The following FAM171B variants were observed in gnomAD, a reference collection of about 807,000 sequenced individuals.
FAM171B encodes protein FAM171B.
Under a neutral mutation model 75.6 loss-of-function variants are expected in FAM171B, and 19 were observed. The ratio of observed to expected loss-of-function variants is 0.25; its 90% confidence interval spans 0.18 to 0.37. FAM171B has a LOEUF of 0.37. Among genes scored for constraint, FAM171B ranks in the 10% least tolerant of loss-of-function variants. FAM171B has a pLI of 1.00. For synonymous variants in FAM171B, 367 were observed against 361.7 expected (o/e 1.01, Z -0.17); for missense variants, 848 against 982.4 (o/e 0.86, Z 1.83).
At chr2:186,751,965 C>T (rs568378899) in intron 5 of FAM171B, among the ~76,000 whole-genome samples, 1 of 152,282 alleles carries the variant, frequency 6.6e-6, no homozygotes, top group African/African-American at 2.4e-5. Context: ...TAGATAGTTT[C>T]ACAGGGCTTG....
chr2:186,746,198 A>T (rs1454736019), intron 3 of FAM171B, among the ~76,000 whole-genome samples: 1 of 152,226 alleles, frequency 6.6e-6, no homozygotes, highest in African/African-American at 2.4e-5. Context: ...ATTGTCACTG[A>T]ATTATCACTT....
intron 1 of FAM171B, among the ~76,000 whole-genome samples, chr2:186,709,082 A>G (rs532183527): frequency 2.6e-5 from 4 of 152,194 alleles, no homozygotes; most frequent in East Asian, 3.9e-4. Flanking sequence ...TCACACAGAG[A>G]AAGAAGGACC....
intron 1 of FAM171B, among the ~76,000 whole-genome samples, chr2:186,709,135 C>G (rs1426705348): frequency 6.6e-6 from 1 of 151,946 alleles, no homozygotes; most frequent in Non-Finnish European, 1.5e-5. Flanking sequence ...ACGACCAGAT[C>G]TTGTGAGTAC....
intron 1 of FAM171B, among the ~76,000 whole-genome samples, chr2:186,712,012 G>C (rs1421644855): frequency 1.3e-5 from 2 of 152,074 alleles, no homozygotes; most frequent in Admixed American, 6.6e-5. Context: ...ATTTCTTTAA[G>C]GCATAGGTAC....
chr2:186,698,497 G>A (rs534486456), intron 1 of FAM171B, among the ~76,000 whole-genome samples: 18 of 152,130 alleles, frequency 1.2e-4, no homozygotes, highest in South Asian at 4.1e-4. Flanking sequence ...TTTCCACTAC[G>A]TGGGATTTGT....
chr2:186,722,018 CT>C (rs1228983113), intron 1 of FAM171B, among the ~76,000 whole-genome samples: 1 of 152,100 alleles, frequency 6.6e-6, no homozygotes, highest in African/African-American at 2.4e-5. Flanking sequence ...GAAGTATTTA[CT>C]TTCTATCAGA....
In FAM171B at chr2:186,747,207, G is replaced by A; in HGVS notation, c.681G>A (p.Val227=). 1 of 1,598,622 alleles carries A rather than the reference G, an allele frequency of 6.3e-7. No individual in the cohort carries two copies. The highest frequency in any genetic ancestry group is 1.1e-5 in the South Asian group (1 of 87,578). Residue 227 remains valine (V), a synonymous_variant, in exon 4 of 8, where the codon GTG becomes GTA. Coordinates refer to ENST00000304698, the MANE Select transcript of FAM171B (RefSeq NM_177454.4). ...YLTVLQQFLK[V]DNFLHTTGIT... ...CAGTTCTACAACAGTTTTTGAAAGT[G>A]GACAATTTTCTGCATACAACTGGAA...
chr2:186,704,668 A>T (rs1689710234), intron 1 of FAM171B, among the ~76,000 whole-genome samples: 1 of 152,258 alleles, frequency 6.6e-6, no homozygotes, highest in South Asian at 2.1e-4. Context: ...GCTTGTTCAT[A>T]ATCTAAAACT....
At chr2:186,727,597 A>C (rs181773765) in intron 1 of FAM171B, among the ~76,000 whole-genome samples, 172 of 152,254 alleles carry the variant, frequency 1.1e-3, no homozygotes, top group African/African-American at 3.9e-3. Flanking sequence ...TTATTTACAA[A>C]ATCAGAGTGG....
At chr2:186,733,141 C>T (rs1029277232) in intron 1 of FAM171B, among the ~76,000 whole-genome samples, 1 of 152,280 alleles carries the variant, frequency 6.6e-6, no homozygotes, top group Non-Finnish European at 1.5e-5. Flanking sequence ...ATCTGTGAGA[C>T]TTTGGTCAAT....
At position 186,765,385 on chromosome 2, in the gene FAM171B, T is replaced by TA. The variant is rs1349945950; in HGVS notation, c.*2563dup. 1.3e-5 allele frequency: 2 copies of TA among 152,090 alleles called. No homozygotes were observed. The highest frequency in any genetic ancestry group is 4.8e-5 in the African/African-American group (2 of 41,452). 9.4% of individuals were successfully genotyped at this position (152,090 alleles called of 1,614,324 possible). On this transcript the variant is annotated 3_prime_UTR_variant, in exon 8 of 8. Transcript: ENST00000304698. ...GGATTCATTTACTAAAGCACAGCTG[T>TA]ATGTATTTTTGAATACATATTATGA... is the stretch of plus-strand genomic sequence containing the variant.
At chr2:186,736,844 G>A (rs922942291) in intron 1 of FAM171B, among the ~76,000 whole-genome samples, 3 of 151,966 alleles carry the variant, frequency 2.0e-5, no homozygotes, top group Non-Finnish European at 4.4e-5. Flanking sequence ...ACATTGACAA[G>A]AATTTTTTAT....
rs1690685050 is a variant in FAM171B at position 186,765,402 on chromosome 2, ATAT to A, written c.*2583_*2585del. 6.6e-6 allele frequency: 1 copy of A among 152,198 alleles called. No homozygotes were observed. Among genetic ancestry groups the A allele is most frequent in the Non-Finnish European group, 1.5e-5 (1 of 67,948 alleles). The allele number at this position is 152,198 out of a possible 1,614,324, so 9.4% of individuals were successfully genotyped here. A position where few individuals can be genotyped will look rare whatever the true frequency, so the allele number is the denominator to read the frequency against. ...CACAGCTGTATGTATTTTTGAATAC[ATAT>A]TATGATCTTGAGACTTTATAAATCA... On this transcript the variant is annotated 3_prime_UTR_variant, in exon 8 of 8. Transcript: ENST00000304698.
At chr2:186,745,991 C>G (rs1288374169) in intron 3 of FAM171B, among the ~76,000 whole-genome samples, 1 of 152,184 alleles carries the variant, frequency 6.6e-6, no homozygotes, top group African/African-American at 2.4e-5. Flanking sequence ...TACATTGTTT[C>G]ATTTATCATT....
chr2:186,734,218 A>AC (rs1320049620), intron 1 of FAM171B, among the ~76,000 whole-genome samples: 1 of 151,928 alleles, frequency 6.6e-6, no homozygotes, highest in African/African-American at 2.4e-5. Flanking sequence ...CCCAATGAGT[A>AC]CAGCCCTCAG....
chr2:186,717,867 C>T (rs1689896298), intron 1 of FAM171B, among the ~76,000 whole-genome samples: 1 of 152,182 alleles, frequency 6.6e-6, no homozygotes. Flanking sequence ...ACGGATTTGT[C>T]TGCAACCTCC....
At chr2:186,749,280 T>C (rs1014836286) in intron 4 of FAM171B, among the ~76,000 whole-genome samples, 1 of 152,174 alleles carries the variant, frequency 6.6e-6, no homozygotes, top group African/African-American at 2.4e-5. Flanking sequence ...CCTTGCACCA[T>C]TCTTTTCTCC....
At chr2:186,749,759 C>G (rs1690422593) in intron 4 of FAM171B, among the ~76,000 whole-genome samples, 1 of 152,128 alleles carries the variant, frequency 6.6e-6, no homozygotes, top group Admixed American at 6.6e-5. Flanking sequence ...AAGATCACTT[C>G]TAATTTGGAG....
In FAM171B at chr2:186,764,458, G is replaced by T. The variant is rs1263293434; in HGVS notation, c.*1635G>T. ...AAATAATGTTTTGGGTAATACCTAG[G>T]CTTCCTTTTTTTTTTTTTTTTTTTT... On this transcript the variant is annotated 3_prime_UTR_variant, in exon 8 of 8. Coordinates refer to ENST00000304698, the MANE Select transcript of FAM171B (RefSeq NM_177454.4). 1 of 135,306 alleles carries T rather than the reference G, an allele frequency of 7.4e-6. No individual in the cohort carries two copies. Among genetic ancestry groups the T allele is most frequent in the African/African-American group, 2.7e-5 (1 of 36,808 alleles). 8.4% of individuals were successfully genotyped at this position (135,306 alleles called of 1,614,324 possible).
Sources: allele counts gnomAD v4.1 joint callset (sites outside exome capture counted in the v4.1 genomes callset), GRCh38; gene constraint gnomAD v4.1.1; transcripts MANE v1.5; gene names NCBI Gene and HGNC (gene_info 2026-07-23, HGNC 2026-07-21).